The following SLC39A11 variants were observed in gnomAD, a reference collection of about 807,000 sequenced individuals.
SLC39A11 encodes the protein solute carrier family 39 member 11.
In SLC39A11, 33 loss-of-function variants were observed where a neutral mutation model predicts 36.1. The ratio of observed to expected loss-of-function variants is 0.91; its 90% CI spans 0.69 to 1.22. The LOEUF (loss-of-function observed/expected upper bound fraction) is 1.22, where lower values mean the gene tolerates loss of function less well. Ranked by LOEUF, SLC39A11 falls within the 50% of genes most tolerant of loss-of-function variation. The probability of loss-of-function intolerance (pLI) is 0.00; values close to 1 mark genes in which losing one functional copy is unlikely to be tolerated. For synonymous variants in SLC39A11, 166 were observed against 170.3 expected (o/e 0.97, Z 0.20); for missense variants, 432 against 430.3 (o/e 1.00, Z -0.03).
At chr17:72,782,478 C>A (rs371804970) in intron 6 of SLC39A11, among the ~76,000 whole-genome samples, 2 of 152,048 alleles carry the variant, frequency 1.3e-5, no homozygotes, top group African/African-American at 4.8e-5. Context: ...GGGACAGACT[C>A]TGAAGTTTGA....
chr17:72,976,370 A>T (rs1222908203), intron 4 of SLC39A11, among the ~76,000 whole-genome samples: 2 of 152,164 alleles, frequency 1.3e-5, no homozygotes, highest in African/African-American at 4.8e-5. Flanking sequence ...GAACAAAAGG[A>T]TAAAGACATG....
rs142185091 is a variant in SLC39A11, at chr17:73,059,329, GGTTA to G, written c.147+25475_147+25478del. ...TTCTTATGTTTTCACTAGAAATTGA[GGTTA>G]GTAACAGTTTAAAATTCTAATCAAT... On this transcript the variant is annotated intron_variant, in intron 3 of 9. Coordinates refer to ENST00000255559, the MANE Select transcript of SLC39A11 (RefSeq NM_139177.4). Among the ~76,000 whole-genome samples the G allele has an allele frequency of 2.2e-3, 333 of 152,308 alleles. 1 individual carries two copies. The highest frequency in any genetic ancestry group is 7.8e-3 in the African/African-American group (323 of 41,566).
intron 6 of SLC39A11, among the ~76,000 whole-genome samples, chr17:72,770,633 T>C (rs1360749873): frequency 6.6e-6 from 1 of 152,168 alleles, no homozygotes; most frequent in Non-Finnish European, 1.5e-5. Context: ...GTCAATCTCA[T>C]CTCATGCAGG....
intron 5 of SLC39A11, among the ~76,000 whole-genome samples, chr17:72,941,078 C>A (rs896739387): frequency 6.6e-6 from 1 of 151,752 alleles, no homozygotes; most frequent in African/African-American, 2.4e-5. Context: ...TCAAGACCAG[C>A]CTGGGCAACA....
At chr17:72,693,076 C>A (rs2072107354) in intron 7 of SLC39A11, among the ~76,000 whole-genome samples, 1 of 152,212 alleles carries the variant, frequency 6.6e-6, no homozygotes. Flanking sequence ...ACATCTGGAT[C>A]AATTTGAAAT....
Position 72,942,064 on chromosome 17 carries a change from A to ATT in SLC39A11, c.430+5686_430+5687dup, listed in dbSNP as rs201627639. 4.9e-3 allele frequency among the ~76,000 whole-genome samples: 735 copies of ATT among 148,816 alleles called. 1 individual carries two copies. Among genetic ancestry groups the ATT allele is most frequent in the Middle Eastern group, 0.014 (4 of 286 alleles). ...CCTGGCTAATTTTTGTATTATTATT[A>ATT]TTTTTTTTTTAGTAGAGACAGGGGT... On this transcript the variant is annotated intron_variant, in intron 5 of 9. Transcript: ENST00000255559.
chr17:73,014,880 G>A (rs947972436), intron 4 of SLC39A11, among the ~76,000 whole-genome samples: 2 of 152,068 alleles, frequency 1.3e-5, no homozygotes, highest in South Asian at 4.2e-4. Flanking sequence ...CTCCTGTTCA[G>A]AGCTCTCCCA....
intron 5 of SLC39A11, among the ~76,000 whole-genome samples, chr17:72,909,229 CAA>C: frequency 6.6e-6 from 1 of 152,176 alleles, no homozygotes; most frequent in East Asian, 1.9e-4. Flanking sequence ...CTTGGCCTCC[CAA>C]AGTGTTGAGA....
intron 4 of SLC39A11, among the ~76,000 whole-genome samples, chr17:73,018,104 T>C (rs1341230894): frequency 6.6e-6 from 1 of 152,230 alleles, no homozygotes; most frequent in Non-Finnish European, 1.5e-5. Flanking sequence ...ATACCCATCC[T>C]AGCAAAGCTG....
intron 6 of SLC39A11, among the ~76,000 whole-genome samples, chr17:72,774,243 T>C (rs1177724315): frequency 6.6e-6 from 1 of 152,190 alleles, no homozygotes; most frequent in African/African-American, 2.4e-5. Context: ...CTCATGGCCC[T>C]TGCAGGGACT....
At chr17:72,977,380 C>T (rs1170663280) in intron 4 of SLC39A11, among the ~76,000 whole-genome samples, 1 of 152,214 alleles carries the variant, frequency 6.6e-6, no homozygotes, top group Non-Finnish European at 1.5e-5. Flanking sequence ...GCTCCCAACC[C>T]TCTGACCTAT....
At position 73,090,215 on chromosome 17, in the gene SLC39A11, C is replaced by T. The variant is rs148720632; in HGVS notation, c.-11-1440G>A. ...GTGTGGACGCAGCCCTTATGCCAAG[C>T]GGCTCAGCAACACACCCAGGCTCAA... On this transcript the variant is annotated intron_variant, in intron 1 of 9. Transcript: ENST00000255559. 1.5e-3 allele frequency among the ~76,000 whole-genome samples: 227 copies of T among 152,244 alleles called. 1 individual carries two copies. Among genetic ancestry groups the T allele is most frequent in the African/African-American group, 5.2e-3 (217 of 41,554 alleles).
intron 5 of SLC39A11, among the ~76,000 whole-genome samples, chr17:72,860,209 G>A (rs2079904953): frequency 6.6e-6 from 1 of 151,982 alleles, no homozygotes; most frequent in Non-Finnish European, 1.5e-5. Context: ...GGCAGATCAT[G>A]TTTGCTTCCT....
At position 72,807,273 on chromosome 17, in the gene SLC39A11, A is replaced by G. The variant is rs186148063; in HGVS notation, c.601+42361T>C. On this transcript the variant is annotated intron_variant, in intron 6 of 9. Coordinates refer to ENST00000255559, the MANE Select transcript of SLC39A11 (RefSeq NM_139177.4). ...TGTCTTTATCTTTCATACCGAAGGCATGCCTCAAAAGTCTAAGGAATTAGA... is the reference window on the plus strand; with the variant it reads ...TGTCTTTATCTTTCATACCGAAGGCGTGCCTCAAAAGTCTAAGGAATTAGA... 5.8e-4 allele frequency among the ~76,000 whole-genome samples: 89 copies of G among 152,346 alleles called. 1 individual carries two copies. The highest frequency in any genetic ancestry group is 4.5e-3 in the Admixed American group (69 of 15,304).
intron 3 of SLC39A11, among the ~76,000 whole-genome samples, chr17:73,050,467 T>G (rs1312327304): frequency 1.3e-5 from 2 of 148,208 alleles, no homozygotes; most frequent in African/African-American, 5.0e-5. Context: ...ACTGACTTTT[T>G]TTTTTTTTTT....
In SLC39A11 at chr17:72,866,024, C is replaced by T. The variant is rs563149360; in HGVS notation, c.431-16220G>A. 2.0e-5 allele frequency among the ~76,000 whole-genome samples: 3 copies of T among 152,278 alleles called. No homozygotes were observed. The South Asian group carries it at 6.2e-4, about 32-fold the overall frequency. On this transcript the variant is annotated intron_variant, in intron 5 of 9. Coordinates refer to ENST00000255559, the MANE Select transcript of SLC39A11 (RefSeq NM_139177.4). ...CAAGAACAGTTTAAAGCAGGGGTCC[C>T]CAATACCTGGGTCATGAACCAGTAT...
rs780316851 is a variant in SLC39A11 at position 72,849,820 on chromosome 17, AAAAAAG to A, written c.431-22_431-17del. On this transcript the variant is annotated splice_polypyrimidine_tract_variant and intron_variant, in intron 5 of 9. Coordinates refer to ENST00000255559, the MANE Select transcript of SLC39A11 (RefSeq NM_139177.4). ...TCACTCTTGTCTGAGCAAAAAAAAA[AAAAAAG>A]AGAGATGGGGAAAGACAGCGCTTTG... is the stretch of plus-strand genomic sequence containing the variant. 4.0e-5 allele frequency: 61 copies of A among 1,519,800 alleles called. No individual in the cohort carries two copies. The highest frequency in any genetic ancestry group is 5.6e-5 in the African/African-American group (4 of 71,342). 94.1% of individuals were successfully genotyped at this position (1,519,800 alleles called of 1,614,324 possible).
chr17:72,693,505 A>G (rs1398734305), intron 7 of SLC39A11, among the ~76,000 whole-genome samples: 1 of 152,236 alleles, frequency 6.6e-6, no homozygotes, highest in African/African-American at 2.4e-5. Context: ...TTACTTAAAA[A>G]TTAGATCAAT....
intron 5 of SLC39A11, among the ~76,000 whole-genome samples, chr17:72,876,581 A>G (rs548127318): frequency 6.5e-4 from 99 of 152,270 alleles, no homozygotes; most frequent in Admixed American, 1.2e-3. Flanking sequence ...CCTAGTGCCT[A>G]GATAGTATCA....
Sources: gnomAD v4.1 joint callset for allele counts (sites outside exome capture counted in the v4.1 genomes callset) on GRCh38, gnomAD v4.1.1 for gene constraint, MANE v1.5 for transcripts, NCBI Gene and HGNC (gene_info 2026-07-23, HGNC 2026-07-21) for gene names.